DPEP2: variants seen among roughly 807,000 people sequenced by gnomAD.
The protein encoded by DPEP2 is dipeptidase 2.
A neutral mutation model predicts 51.8 loss-of-function variants in DPEP2; 45 were observed. That is an observed-to-expected ratio of 0.87 (90% confidence interval 0.68 to 1.11). The LOEUF (loss-of-function observed/expected upper bound fraction) is 1.11, where lower values mean the gene tolerates loss of function less well. Among genes scored for constraint, DPEP2 ranks in the 50% most tolerant of loss-of-function variants. DPEP2 has a pLI of 0.00. For missense variants in DPEP2, 604 were observed against 631.9 expected (o/e 0.96, Z 0.47); for synonymous variants, 255 against 262.7 (o/e 0.97, Z 0.28).
chr16:67,998,166 GC>G (rs894351994), intron 1 of DPEP2, among the ~76,000 whole-genome samples: 12 of 152,222 alleles, frequency 7.9e-5, no homozygotes, highest in Non-Finnish European at 1.5e-5. Context: ...CCCTTTCTGG[GC>G]TGGCCAAGGC....
chr16:67,998,605 A>G (rs2032844958), intron 1 of DPEP2, among the ~76,000 whole-genome samples: 1 of 152,222 alleles, frequency 6.6e-6, no homozygotes, highest in South Asian at 2.1e-4. Flanking sequence ...GTGCGGGCGC[A>G]TGGCGCAGGA....
At chr16:67,994,101 T>G in intron 1 of DPEP2, 1 of 985,374 alleles carries the variant, frequency 1.0e-6, no homozygotes, top group Non-Finnish European at 1.2e-6. Context: ...CACACAGCCA[T>G]CTGCATGGAA....
At position 67,991,280 on chromosome 16, in the gene DPEP2, A is replaced by T; in HGVS notation, c.663-96T>A. 1 of 1,294,518 alleles carries T rather than the reference A, an allele frequency of 7.7e-7. No homozygotes were observed. Among genetic ancestry groups the T allele is most frequent in the South Asian group, 1.3e-5 (1 of 78,180 alleles). The allele number at this position is 1,294,518 out of a possible 1,614,324, so 80.2% of individuals were successfully genotyped here. The stretch of plus-strand genomic sequence containing the variant: ...ACCCTCCATCCCTGCACCCCCCTGA[A>T]ACAAAAACAGGGATCCAAAATGGGC... On this transcript the variant is annotated intron_variant, in intron 5 of 10. Transcript: ENST00000393847. The surrounding 1 kb of genome is among the most constrained non-coding windows in gnomAD (Gnocchi z 5.1).
chr16:67,994,170 G>A (rs2032522107), intron 1 of DPEP2: 1 of 985,314 alleles, frequency 1.0e-6, no homozygotes, highest in African/African-American at 1.7e-5. Flanking sequence ...TCCTCCTAGA[G>A]CTTCTGGCTG....
At chr16:67,997,858 A>T (rs556985103) in intron 1 of DPEP2, among the ~76,000 whole-genome samples, 16 of 152,304 alleles carry the variant, frequency 1.1e-4, no homozygotes, top group African/African-American at 3.8e-4. Flanking sequence ...GGAGACAGTA[A>T]GGAGGAATCA....
At chr16:67,987,808 C>T in intron 10 of DPEP2, 44 bp downstream of exon 10, 1 of 1,613,926 alleles carries the variant, frequency 6.2e-7, no homozygotes, top group South Asian at 1.1e-5. Flanking sequence ...CCTTGATACA[C>T]TTGCTCAGAC....
At position 67,991,985 on chromosome 16, in the gene DPEP2, G is replaced by A. The variant is rs1282122882; in HGVS notation, c.521-6C>T. ...TTTCTGAGTGTCGTTCAGAGCTGGGGGCAGGTAGGTCAGGTGATTACTTTC... is the reference window on the plus strand; with the variant it reads ...TTTCTGAGTGTCGTTCAGAGCTGGGAGCAGGTAGGTCAGGTGATTACTTTC... On this transcript the variant is annotated splice_region_variant and splice_polypyrimidine_tract_variant and intron_variant, in intron 4 of 10. Coordinates refer to ENST00000393847, the MANE Select transcript of DPEP2 (RefSeq NM_022355.4). This position sits in a 1 kb window ranked among gnomAD's most constrained non-coding sequence, Gnocchi z 5.1. The A allele has an allele frequency of 3.1e-6, 5 of 1,614,068 alleles. No individual in the cohort carries two copies. The highest frequency in any genetic ancestry group is 4.2e-6 in the Non-Finnish European group (5 of 1,180,034).
chr16:67,991,767 G>A lies in DPEP2; in HGVS notation c.662+71C>T. 6.3e-7 allele frequency: 1 copy of A among 1,575,672 alleles called. No individual in the cohort carries two copies. Among genetic ancestry groups the A allele is most frequent in the African/African-American group, 1.3e-5 (1 of 74,512 alleles). On this transcript the variant is annotated intron_variant, in intron 5 of 10. Coordinates refer to ENST00000393847, the MANE Select transcript of DPEP2 (RefSeq NM_022355.4). The surrounding 1 kb of genome is among the most constrained non-coding windows in gnomAD (Gnocchi z 5.1). The stretch of plus-strand genomic sequence containing the variant: ...ACATCCCATGGGTAAAGCTTGTTCT[G>A]GGCCCACAGTGACCTCAGGCAGATC...
At position 67,993,213 on chromosome 16, in the gene DPEP2, G is replaced by A. The variant is rs2032413080; in HGVS notation, c.-1C>T. 1 of 1,462,168 alleles carries A rather than the reference G, an allele frequency of 6.8e-7. No individual in the cohort carries two copies. Among genetic ancestry groups the A allele is most frequent in the South Asian group, 1.4e-5 (1 of 70,406 alleles). The allele number at this position is 1,462,168 out of a possible 1,614,324, so 90.6% of individuals were successfully genotyped here. ...GACCCTCGAGGCCGGAGGGCTGCAT[G>A]TTGTGCAGGGCCGGGCAGGCAGGCA... On this transcript the variant is annotated 5_prime_UTR_variant, in exon 2 of 11. Coordinates refer to ENST00000393847, the MANE Select transcript of DPEP2 (RefSeq NM_022355.4).
chr16:67,992,717 G>A, intron 2 of DPEP2, 81 bp from the exon 3 acceptor site: 1 of 1,557,776 alleles, frequency 6.4e-7, no homozygotes, highest in Non-Finnish European at 8.7e-7. Context: ...GGACACATCT[G>A]GGGATCCCCA....
chr16:67,989,611 G>A (rs1338472417), intron 8 of DPEP2, among the ~76,000 whole-genome samples: 1 of 152,204 alleles, frequency 6.6e-6, no homozygotes, highest in Non-Finnish European at 1.5e-5. Flanking sequence ...GTTTGGAGTG[G>A]ATCCACAGAG....
At chr16:67,989,131 T>C (rs1357963506) in intron 9 of DPEP2, among the ~76,000 whole-genome samples, 192 bp downstream of exon 9, 2 of 152,168 alleles carry the variant, frequency 1.3e-5, no homozygotes, top group African/African-American at 2.4e-5. Flanking sequence ...GCTGGGCAGA[T>C]GAGCTCTGTC....
In DPEP2 at chr16:67,992,601, T is replaced by C; in HGVS notation, c.299A>G (p.Tyr100Cys). Residue 100 changes from tyrosine to cysteine, a missense_variant, in exon 3 of 11, where the codon TAC (tyrosine) becomes TGC (cysteine). Physicochemically the swap from Tyr to Cys is radical, Grantham distance 194. Transcript: ENST00000393847. ...NDLPLVLRQV[Y>C]QKGLQDVNLR... The stretch of plus-strand genomic sequence containing the variant: ...GTTAACATCCTGTAGCCCTTTCTGG[T>C]AAACCTGCCTTAGGACCAGGGGCAG... The C allele has an allele frequency of 6.2e-7, 1 of 1,614,112 alleles. No homozygotes were observed. Among genetic ancestry groups the C allele is most frequent in the South Asian group, 1.1e-5 (1 of 91,076 alleles).
rs1433126524 is a variant in DPEP2 at position 67,989,365 on chromosome 16, G to A, written c.1028C>T (p.Ser343Phe). The change falls in exon 9 of 11, where the codon TCC (serine) becomes TTC (phenylalanine). Residue 343 changes from serine (S) to phenylalanine (F), a missense_variant. Coordinates refer to ENST00000393847, the MANE Select transcript of DPEP2 (RefSeq NM_022355.4). ...ATCTCCACCAATCCCGATGAACTTG[G>A]ATCCAATGACAGCCTTGATGTGGTC... ...HFDHIKAVIG[S>F]KFIGIGGDYD... The A allele has an allele frequency of 6.2e-7, 1 of 1,614,076 alleles. No homozygotes were observed. Among genetic ancestry groups the A allele is most frequent in the African/African-American group, 1.3e-5 (1 of 74,924 alleles).
In DPEP2 at chr16:67,991,665, A is replaced by C; in HGVS notation, c.662+173T>G. The C allele has an allele frequency of 2.0e-6, 2 of 1,011,592 alleles. No individual in the cohort carries two copies. 62.7% of individuals were successfully genotyped at this position (1,011,592 alleles called of 1,614,324 possible). ...AGTTTTGGGATTACAGGCATGAGCC[A>C]CCGCGTCTGGCCAGGGGTCAAGTCG... On this transcript the variant is annotated intron_variant, in intron 5 of 10. Coordinates refer to ENST00000393847, the MANE Select transcript of DPEP2 (RefSeq NM_022355.4). This position sits in a 1 kb window ranked among gnomAD's most constrained non-coding sequence, Gnocchi z 5.1.
At chr16:67,996,246 A>G (rs2032689436) in intron 1 of DPEP2, among the ~76,000 whole-genome samples, 1 of 150,026 alleles carries the variant, frequency 6.7e-6, no homozygotes, top group Non-Finnish European at 1.5e-5. Context: ...TATATTGCCC[A>G]GGCTGGTCAA....
At position 67,991,939 on chromosome 16, in the gene DPEP2, T is replaced by A; in HGVS notation, c.561A>T (p.Val187=). The change falls in exon 5 of 11, where the codon GTA becomes GTT. Residue 187 remains valine, a synonymous_variant. Coordinates refer to ENST00000393847, the MANE Select transcript of DPEP2 (RefSeq NM_022355.4). This position sits in a 1 kb window ranked among gnomAD's most constrained non-coding sequence, Gnocchi z 5.1. ...DTQKLACLIG[V]EGGHSLDNSL... Reference sequence around the variant, plus strand: ...TATTGTCCAGCGAGTGGCCACCCTCTACACCGATGAGGCAGGCCAATTTCT... The same window carrying A: ...TATTGTCCAGCGAGTGGCCACCCTCAACACCGATGAGGCAGGCCAATTTCT... 6.2e-7 allele frequency: 1 copy of A among 1,614,194 alleles called. No individual in the cohort carries two copies. Among genetic ancestry groups the A allele is most frequent in the Non-Finnish European group, 8.5e-7 (1 of 1,180,030 alleles).
chr16:67,994,829 C>T (rs575576493), intron 1 of DPEP2: 1 of 985,412 alleles, frequency 1.0e-6, no homozygotes, highest in African/African-American at 1.7e-5. Flanking sequence ...GTCTGCTGTC[C>T]AGGAGGAAGG....
At chr16:67,988,058 C>T (rs2031630526) in intron 9 of DPEP2, 71 bp from the exon 10 acceptor site, 6 of 1,599,106 alleles carry the variant, frequency 3.8e-6, no homozygotes, top group Non-Finnish European at 4.3e-6. Context: ...AGTCCAGGGT[C>T]TATGAAACCC....
Sources: allele counts gnomAD v4.1 joint callset (sites outside exome capture counted in the v4.1 genomes callset), GRCh38; gene constraint gnomAD v4.1.1; non-coding constraint Gnocchi (gnomAD v3.1); transcripts MANE v1.5; gene names NCBI Gene and HGNC (gene_info 2026-07-23, HGNC 2026-07-21).